The following MTUS2 variants were observed in gnomAD, a reference collection of about 807,000 sequenced individuals.
The protein encoded by MTUS2 is microtubule associated scaffold protein 2.
In MTUS2, 40 loss-of-function variants were observed where a neutral mutation model predicts 114.1. The observed-to-expected ratio is 0.35, with a 90% CI of 0.27 to 0.46. The LOEUF (loss-of-function observed/expected upper bound fraction) is 0.46, where lower values mean the gene tolerates loss of function less well. Ranked by LOEUF, MTUS2 falls within the 20% of genes least tolerant of loss-of-function variation. The pLI is 1.00. For synonymous variants in MTUS2, 688 were observed against 672.0 expected, an observed-to-expected ratio of 1.02 and a Z score of -0.37; for missense variants, 1,679 against 1,705.4, an observed-to-expected ratio of 0.98 and a Z score of 0.27.
chr13:28,821,607 A>G (rs1337321633), intron 1 of MTUS2, among the ~76,000 whole-genome samples: 1 of 152,208 alleles, frequency 6.6e-6, no homozygotes, highest in African/African-American at 2.4e-5. Flanking sequence ...ATGGCTGGGA[A>G]CAGCCCTTGT....
At chr13:29,465,486 G>A (rs963235798) in intron 9 of MTUS2, among the ~76,000 whole-genome samples, 1 of 152,106 alleles carries the variant, frequency 6.6e-6, no homozygotes, top group African/African-American at 2.4e-5. Flanking sequence ...CCCCGGTAAC[G>A]CATTTAACAC....
intron 5 of MTUS2, among the ~76,000 whole-genome samples, chr13:29,235,827 C>G (rs745963360): frequency 6.6e-6 from 1 of 152,082 alleles, no homozygotes; most frequent in Non-Finnish European, 1.5e-5. Context: ...TCACTCATGA[C>G]CATTTTGGCC....
chr13:29,307,637 A>G (rs773751403), intron 6 of MTUS2: 16 of 1,161,582 alleles, frequency 1.4e-5, no homozygotes, highest in Admixed American at 1.7e-5. Flanking sequence ...TCTGACTTCA[A>G]CAGCGACACC....
chr13:29,169,262 ACT>A, intron 5 of MTUS2, among the ~76,000 whole-genome samples: 1 of 152,216 alleles, frequency 6.6e-6, no homozygotes. Flanking sequence ...CTCTCTATAG[ACT>A]CTCTAGTGAA....
chr13:29,372,804 A>G (rs1380197462), intron 8 of MTUS2, among the ~76,000 whole-genome samples: 3 of 152,204 alleles, frequency 2.0e-5, no homozygotes, highest in Non-Finnish European at 4.4e-5. Context: ...CCAACACACA[A>G]ACTAAGCAAG....
intron 5 of MTUS2, among the ~76,000 whole-genome samples, chr13:29,128,193 A>C (rs1358731470): frequency 6.6e-6 from 1 of 152,210 alleles, no homozygotes; most frequent in Non-Finnish European, 1.5e-5. Context: ...CAGCAGCGAG[A>C]TGGGATTAGA....
At chr13:29,442,727 C>G (rs1037706999) in intron 9 of MTUS2, among the ~76,000 whole-genome samples, 1 of 152,178 alleles carries the variant, frequency 6.6e-6, no homozygotes, top group African/African-American at 2.4e-5. Context: ...CAGGGTGCCT[C>G]AGCACACAGT....
chr13:29,364,815 G>C (rs191748878), intron 8 of MTUS2, among the ~76,000 whole-genome samples: 1 of 152,144 alleles, frequency 6.6e-6, no homozygotes, highest in East Asian at 1.9e-4. Context: ...CAAGCTCTTT[G>C]TTGCTTCCTA....
intron 5 of MTUS2, among the ~76,000 whole-genome samples, chr13:29,145,610 C>T (rs1892401030): frequency 6.6e-6 from 1 of 152,174 alleles, no homozygotes. Context: ...GTTGATCAAA[C>T]TGTTGAAGAC....
At chr13:28,833,018 AG>A (rs1874812331) in intron 1 of MTUS2, among the ~76,000 whole-genome samples, 2 of 152,264 alleles carry the variant, frequency 1.3e-5, no homozygotes, top group African/African-American at 4.8e-5. Flanking sequence ...AACTGACTCA[AG>A]AAGAAAGGGC....
At chr13:29,215,701 C>T (rs112484934) in intron 5 of MTUS2, among the ~76,000 whole-genome samples, 1 of 152,158 alleles carries the variant, frequency 6.6e-6, no homozygotes, top group South Asian at 2.1e-4. Flanking sequence ...GTATCACTGG[C>T]AGAGGCTGCA....
At chr13:28,830,497 A>G (rs990702503) in intron 1 of MTUS2, among the ~76,000 whole-genome samples, 9 of 20,388 alleles carry the variant, frequency 4.4e-4, no homozygotes, top group African/African-American at 1.8e-3. Flanking sequence ...TGAAAAGTAC[A>G]ATGATTGAAA....
intron 2 of MTUS2, among the ~76,000 whole-genome samples, chr13:28,908,268 T>C (rs1454378216): frequency 6.6e-6 from 1 of 151,544 alleles, no homozygotes; most frequent in East Asian, 1.9e-4. Context: ...ATTAGGTATA[T>C]CTCCAAACGC....
At chr13:28,862,777 A>C (rs1248585537) in intron 2 of MTUS2, among the ~76,000 whole-genome samples, 1 of 152,244 alleles carries the variant, frequency 6.6e-6, no homozygotes, top group Admixed American at 6.5e-5. Flanking sequence ...TTATTATAAC[A>C]TAAAAAATTG....
intron 9 of MTUS2, among the ~76,000 whole-genome samples, chr13:29,469,222 C>G (rs967877605): frequency 6.6e-6 from 1 of 152,224 alleles, no homozygotes; most frequent in African/African-American, 2.4e-5. Flanking sequence ...TTGTCCTTCT[C>G]CCTCCTGTGA....
chr13:28,984,725 G>A (rs1028892746), intron 2 of MTUS2, among the ~76,000 whole-genome samples: 7 of 152,210 alleles, frequency 4.6e-5, no homozygotes, highest in East Asian at 1.9e-4. Flanking sequence ...ATGAATTTGC[G>A]CTTCAGGTTT....
Position 29,249,578 on chromosome 13 carries a change from T to A in MTUS2, c.2645-32126T>A, listed in dbSNP as rs188990518. Among the ~76,000 whole-genome samples the A allele has an allele frequency of 3.0e-3, 455 of 152,334 alleles. 3 individuals are homozygous for A. Among genetic ancestry groups the A allele is most frequent in the Non-Finnish European group, 2.4e-3 (163 of 68,034 alleles). ...ATGATCAGTGATGTTGAGCTTTTTT[T>A]AATATGTTTGTTGGCGGCATAAATG... is the stretch of plus-strand genomic sequence containing the variant. On this transcript the variant is annotated intron_variant, in intron 5 of 15. Transcript: ENST00000612955.
At chr13:29,307,584 C>T in intron 6 of MTUS2, 1 of 1,227,966 alleles carries the variant, frequency 8.1e-7, no homozygotes, top group Non-Finnish European at 1.2e-6. Flanking sequence ...CAGAGGGCCC[C>T]CTCAAGGGCA....
chr13:29,443,654 G>A (rs937380743), intron 9 of MTUS2, among the ~76,000 whole-genome samples: 2 of 152,186 alleles, frequency 1.3e-5, no homozygotes, highest in East Asian at 3.8e-4. Flanking sequence ...AAGACGGAGG[G>A]GAATGTGGGG....
Sources: allele counts gnomAD v4.1 joint callset (sites outside exome capture counted in the v4.1 genomes callset), GRCh38; gene constraint gnomAD v4.1.1; transcripts MANE v1.5; gene names NCBI Gene and HGNC (gene_info 2026-07-23, HGNC 2026-07-21).